The following THAP6 variants were observed in gnomAD, a reference collection of about 807,000 sequenced individuals.
THAP6 encodes THAP domain-containing protein 6.
In THAP6, 13 loss-of-function variants were observed where a neutral mutation model predicts 20.0. The observed-to-expected ratio is 0.65, with a 90% confidence interval of 0.42 to 1.03. The LOEUF is 1.03. Ranked by LOEUF, THAP6 falls within the 50% of genes least tolerant of loss-of-function variation. The pLI, the probability that THAP6 is intolerant of heterozygous loss-of-function variation, is 0.00. For synonymous variants in THAP6, 93 were observed against 92.2 expected, an observed-to-expected ratio of 1.01 and a Z score of -0.05; for missense variants, 262 against 261.6, an observed-to-expected ratio of 1.00 and a Z score of -0.01.
intron 2 of THAP6, among the ~76,000 whole-genome samples, chr4:75,537,268 A>G (rs1399198354): frequency 6.6e-6 from 1 of 152,136 alleles, no homozygotes. Context: ...GAACATGTGA[A>G]TATCACTAAT....
intron 1 of THAP6, chr4:75,514,984 CAATAAATGT>C (rs1725448625): frequency 6.0e-6 from 1 of 167,036 alleles, no homozygotes; most frequent in Non-Finnish European, 1.3e-5. Flanking sequence ...GCAATCACTG[CAATAAATGT>C]AAGATTACAA....
At chr4:75,539,136 G>C (rs574999076) in intron 2 of THAP6, among the ~76,000 whole-genome samples, 2 of 152,144 alleles carry the variant, frequency 1.3e-5, no homozygotes, top group Admixed American at 1.3e-4. Flanking sequence ...ACCAGGGAGC[G>C]CAGCCATATA....
chr4:75,514,491 T>C lies in THAP6; in HGVS notation c.-50T>C. ...CGAAGGCAGACGCAGTCTCCGTCGT[T>C]GACGTTAGTCGCAGTCTTCGCTGCT... On this transcript the variant is annotated 5_prime_UTR_variant, in exon 1 of 5. Coordinates refer to ENST00000311638, the MANE Select transcript of THAP6 (RefSeq NM_144721.6). 1 of 544,338 alleles carries C rather than the reference T, an allele frequency of 1.8e-6. No homozygotes were observed. Among genetic ancestry groups the C allele is most frequent in the South Asian group, 2.7e-5 (1 of 37,454 alleles). 33.7% of individuals were successfully genotyped at this position (544,338 alleles called of 1,614,324 possible).
At position 75,526,918 on chromosome 4, in the gene THAP6, A is replaced by G. The variant is rs756453295; in HGVS notation, c.415-42A>G. 2.5e-6 allele frequency: 4 copies of G among 1,597,128 alleles called. No individual in the cohort carries two copies. The East Asian group carries it at 6.7e-5, about 27-fold the overall frequency. On this transcript the variant is annotated intron_variant, in intron 4 of 4. Transcript: ENST00000311638. ...CCTAGTTATAAGCTTTTATCCAACT[A>G]CATATCTGTCTGATTTAATAACTTG...
intron 4 of THAP6, among the ~76,000 whole-genome samples, chr4:75,524,716 T>G (rs1480798101): frequency 6.6e-6 from 1 of 152,110 alleles, no homozygotes; most frequent in Non-Finnish European, 1.5e-5. Context: ...TAATACTTCT[T>G]TTTTTCTTTG....
intron 3 of THAP6, chr4:75,542,939 T>G (rs1727046915): frequency 6.4e-6 from 1 of 156,318 alleles, no homozygotes; most frequent in African/African-American, 2.4e-5. Flanking sequence ...ATTACCACAA[T>G]CTGGATCTGT....
downstream of THAP6, among the ~76,000 whole-genome samples, chr4:75,534,004 T>TG (rs1376221106): frequency 6.6e-6 from 1 of 150,488 alleles, no homozygotes; most frequent in African/African-American, 2.4e-5. Context: ...AGTGAGAACA[T>TG]GCAGTGTTTG....
In THAP6 at chr4:75,527,115, A is replaced by G. The variant is rs1216657971; in HGVS notation, c.570A>G (p.Leu190=). The G allele has an allele frequency of 6.2e-7, 1 of 1,614,156 alleles. No individual in the cohort carries two copies. Among genetic ancestry groups the G allele is most frequent in the Non-Finnish European group, 8.5e-7 (1 of 1,179,986 alleles). ...CATTGAGGAAGACAATCAGGGAATT[A>G]AAGGATGAATGTCTGATCAGCCAAG... ...QKSLRKTIRE[L]KDECLISQET... is the part of the protein sequence containing the mutation. The change falls in exon 5 of 5, where the codon TTA becomes TTG. Residue 190 remains leucine, a synonymous_variant. Coordinates refer to ENST00000311638, the MANE Select transcript of THAP6 (RefSeq NM_144721.6).
intron 3 of THAP6, among the ~76,000 whole-genome samples, chr4:75,521,015 A>G (rs1201821147): frequency 2.0e-5 from 3 of 152,144 alleles, no homozygotes; most frequent in South Asian, 2.1e-4. Flanking sequence ...TATTGAGGAT[A>G]GGAATCATTT....
intron 4 of THAP6, among the ~76,000 whole-genome samples, chr4:75,525,028 G>A (rs756889112): frequency 7.2e-5 from 11 of 152,122 alleles, no homozygotes; most frequent in Non-Finnish European, 1.3e-4. Flanking sequence ...TAAGTGCTGG[G>A]CCAGGCGTGA....
chr4:75,533,101 A>G (rs1321821842), downstream of THAP6, among the ~76,000 whole-genome samples: 1 of 152,130 alleles, frequency 6.6e-6, no homozygotes, highest in African/African-American at 2.4e-5. Flanking sequence ...CTGAACTTTT[A>G]TGCTCTCCTT....
chr4:75,528,724 A>G lies in THAP6; in HGVS notation c.*1510A>G. On this transcript the variant is annotated 3_prime_UTR_variant, in exon 5 of 5. Transcript: ENST00000311638. Reference sequence around the variant, plus strand: ...GAAATCACTGAGGCCATATCTTTTTACAATCTGAAAAAAAAGTAGTAAAAA... The same window carrying G: ...GAAATCACTGAGGCCATATCTTTTTGCAATCTGAAAAAAAAGTAGTAAAAA... 2.0e-6 allele frequency: 2 copies of G among 983,006 alleles called. No homozygotes were observed. Among genetic ancestry groups the G allele is most frequent in the Middle Eastern group, 5.2e-4 (1 of 1,914 alleles). 60.9% of individuals were successfully genotyped at this position (983,006 alleles called of 1,614,324 possible).
chr4:75,535,226 A>C (rs529395229), intron 2 of THAP6, among the ~76,000 whole-genome samples: 2 of 152,228 alleles, frequency 1.3e-5, no homozygotes, highest in Non-Finnish European at 2.9e-5. Flanking sequence ...TCCCTCCCAC[A>C]ACACATGGGG....
At chr4:75,522,086 A>C (rs972923480) in intron 4 of THAP6, 1 of 463,540 alleles carries the variant, frequency 2.2e-6, no homozygotes, top group African/African-American at 2.0e-5. Context: ...AGGCTTTTGC[A>C]AGGATATTTC....
At chr4:75,516,684 A>G (rs1014459815) in intron 2 of THAP6, 88 bp from the exon 3 acceptor site, 8 of 1,075,130 alleles carry the variant, frequency 7.4e-6, no homozygotes, top group African/African-American at 1.6e-5. Context: ...TAACGAATCA[A>G]TTTAGTCACA....
At position 75,527,661 on chromosome 4, in the gene THAP6, A is replaced by G; in HGVS notation, c.*447A>G. On this transcript the variant is annotated 3_prime_UTR_variant, in exon 5 of 5. Transcript: ENST00000311638. ...ACAAAGCACAATTCATTTGTAATGC[A>G]TATCCATCTTGGATTCAATCCAAGG... 1.0e-6 allele frequency: 1 copy of G among 995,880 alleles called. No individual in the cohort carries two copies. Among genetic ancestry groups the G allele is most frequent in the Non-Finnish European group, 1.2e-6 (1 of 835,700 alleles). The allele number at this position is 995,880 out of a possible 1,614,324, so 61.7% of individuals were successfully genotyped here.
intron 4 of THAP6, 147 bp downstream of exon 4, chr4:75,522,008 A>G (rs1726066141): frequency 1.9e-5 from 18 of 937,128 alleles, no homozygotes; most frequent in Admixed American, 2.8e-5. Context: ...AGTCATTGTA[A>G]TTTATATATA....
At chr4:75,534,119 T>C (rs1416314023), downstream of THAP6, among the ~76,000 whole-genome samples, 34 of 152,346 alleles carry the variant, frequency 2.2e-4, no homozygotes, top group African/African-American at 8.2e-4. Flanking sequence ...CATAGTATTC[T>C]ATGGTGTATA....
Position 75,528,204 on chromosome 4 carries a change from T to C in THAP6, c.*990T>C. On this transcript the variant is annotated 3_prime_UTR_variant, in exon 5 of 5. Coordinates refer to ENST00000311638, the MANE Select transcript of THAP6 (RefSeq NM_144721.6). Reference sequence around the variant, plus strand: ...GTAGATTATTGTCCAAAGGCTTTTATTTAGAGAAACGGGTAATTAAAACAG... The same window carrying C: ...GTAGATTATTGTCCAAAGGCTTTTACTTAGAGAAACGGGTAATTAAAACAG... 1.0e-6 allele frequency: 1 copy of C among 985,404 alleles called. No homozygotes were observed. The allele number at this position is 985,404 out of a possible 1,614,324, so 61.0% of individuals were successfully genotyped here.
Sources: gnomAD v4.1 joint callset for allele counts (sites outside exome capture counted in the v4.1 genomes callset) on GRCh38, gnomAD v4.1.1 for gene constraint, MANE v1.5 for transcripts, NCBI Gene and HGNC (gene_info 2026-07-23, HGNC 2026-07-21) for gene names.